The following CASZ1 variants were observed in gnomAD, a reference collection of about 807,000 sequenced individuals.
CASZ1 encodes the protein zinc finger protein castor homolog 1.
A neutral mutation model predicts 135.2 loss-of-function variants in CASZ1; 28 were observed. The observed-to-expected ratio is 0.21, with a 90% CI of 0.15 to 0.28. CASZ1 has a LOEUF of 0.28. Among genes scored for constraint, CASZ1 ranks in the 10% least tolerant of loss-of-function variants. The pLI is 1.00. For synonymous variants in CASZ1, 1,068 were observed against 1,073.4 expected (o/e 0.99, Z 0.10); for missense variants, 2,161 against 2,453.3 (o/e 0.88, Z 2.52).
At chr1:10,684,950 G>A (rs1392525432) in intron 4 of CASZ1, among the ~76,000 whole-genome samples, 1 of 152,248 alleles carries the variant, frequency 6.6e-6, no homozygotes, top group Non-Finnish European at 1.5e-5. Flanking sequence ...GAGCCCAAGA[G>A]GAACCCCCAG....
At chr1:10,731,912 T>C (rs949487420) in intron 2 of CASZ1, among the ~76,000 whole-genome samples, 1 of 152,250 alleles carries the variant, frequency 6.6e-6, no homozygotes, top group African/African-American at 2.4e-5. Flanking sequence ...TTCTCAAAAA[T>C]ATGTTCTTTA....
rs920916038 is a variant in CASZ1 at position 10,639,398 on chromosome 1, G to A, written c.4824C>T (p.Pro1608=). The A allele has an allele frequency of 2.6e-6, 4 of 1,547,760 alleles. No homozygotes were observed. The African/African-American group carries it at 5.5e-5, about 21-fold the overall frequency. The change falls in exon 21 of 21, where the codon CCC becomes CCT. Residue 1608 remains proline (P), a synonymous_variant. Transcript: ENST00000377022. This position sits in a 1 kb window ranked among gnomAD's most constrained non-coding sequence, Gnocchi z 4.0. ...QERGEPAAEG[P]APGPPISLDG... ...CCAGACTGATGGGAGGCCCGGGCGCGGGGCCCTCTGCCGCGGGCTCGCCGC... is the reference window on the plus strand; with the variant it reads ...CCAGACTGATGGGAGGCCCGGGCGCAGGGCCCTCTGCCGCGGGCTCGCCGC...
chr1:10,725,088 C>A lies in CASZ1; in HGVS notation c.-76-19544G>T, dbSNP rs140388766. On this transcript the variant is annotated intron_variant, in intron 2 of 20. Coordinates refer to ENST00000377022, the MANE Select transcript of CASZ1 (RefSeq NM_001079843.3). This position sits in a 1 kb window ranked among gnomAD's most constrained non-coding sequence, Gnocchi z 4.4. Reference sequence around the variant, plus strand: ...CGCAGACGTGCAGGTGGCTGTTCTTCCCTGGAGGGAGGGGGCTTGGGCTCC... The same window carrying A: ...CGCAGACGTGCAGGTGGCTGTTCTTACCTGGAGGGAGGGGGCTTGGGCTCC... Among the ~76,000 whole-genome samples, 537 of 152,334 alleles carry A rather than the reference C, an allele frequency of 3.5e-3. 8 individuals are homozygous for A. In the East Asian group the frequency reaches 0.046, roughly 13 times the overall value.
At chr1:10,648,973 C>T in intron 15 of CASZ1, 97 bp downstream of exon 15, 1 of 1,494,324 alleles carries the variant, frequency 6.7e-7, no homozygotes, top group Non-Finnish European at 9.1e-7. Context: ...TTCTGTGGCC[C>T]AGCGGGAACT....
chr1:10,761,687 C>T (rs1199639583), intron 1 of CASZ1, among the ~76,000 whole-genome samples: 3 of 152,182 alleles, frequency 2.0e-5, no homozygotes, highest in Admixed American at 1.3e-4. Flanking sequence ...TTCCTGTTTG[C>T]GTTTCAACTT....
At position 10,676,688 on chromosome 1, in the gene CASZ1, C is replaced by T. The variant is rs1638235084; in HGVS notation, c.17-11117G>A. Among the ~76,000 whole-genome samples the T allele has an allele frequency of 6.6e-6, 1 of 152,186 alleles. No individual in the cohort carries two copies. Among genetic ancestry groups the T allele is most frequent in the Non-Finnish European group, 1.5e-5 (1 of 68,042 alleles). On this transcript the variant is annotated intron_variant, in intron 4 of 20. Transcript: ENST00000377022. The surrounding 1 kb of genome is among the most constrained non-coding windows in gnomAD (Gnocchi z 4.5). The stretch of plus-strand genomic sequence containing the variant: ...ACCAGCCTACAGCTCAGAAACGAGC[C>T]CCTGGCCCGGGGCGAGCAGCCCCAC...
intron 2 of CASZ1, among the ~76,000 whole-genome samples, chr1:10,729,267 G>T (rs1355693133): frequency 1.3e-5 from 2 of 152,164 alleles, no homozygotes; most frequent in African/African-American, 4.8e-5. Flanking sequence ...AAGCAAGACG[G>T]CTGCAGGGGG....
In CASZ1 at chr1:10,754,720, G is replaced by C. The variant is rs372372151; in HGVS notation, c.-77+5981C>G. Among the ~76,000 whole-genome samples, 9 of 151,698 alleles carry C rather than the reference G, an allele frequency of 5.9e-5. No homozygotes were observed. In the South Asian group the frequency reaches 1.4e-3, roughly 24 times the overall value. ...CCTCTCTCTGCCTGGAGAGCAGCAC[G>C]GCGTGGGACTCACAGCTGCTGCCCG... On this transcript the variant is annotated intron_variant, in intron 2 of 20. Coordinates refer to ENST00000377022, the MANE Select transcript of CASZ1 (RefSeq NM_001079843.3).
intron 1 of CASZ1, among the ~76,000 whole-genome samples, chr1:10,771,037 G>A (rs1640567605): frequency 6.6e-6 from 1 of 152,196 alleles, no homozygotes; most frequent in Admixed American, 6.5e-5. Flanking sequence ...AGAACAAGGG[G>A]GACAAAGACA....
intron 2 of CASZ1, among the ~76,000 whole-genome samples, chr1:10,751,055 C>A (rs1240409929): frequency 6.6e-6 from 1 of 151,468 alleles, no homozygotes. Context: ...ATGCTGGCTG[C>A]GATTGTAACT....
rs182424962 is a variant in CASZ1, at chr1:10,794,057, G to C, written c.-234+2507C>G. On this transcript the variant is annotated intron_variant, in intron 1 of 20. Transcript: ENST00000377022. The surrounding 1 kb of genome is among the most constrained non-coding windows in gnomAD (Gnocchi z 5.6). ...GGAGCGCAGCCCCGGCTCAGCCCCC[G>C]GGGAACAACTACCCCCCTCCCCATG... Among the ~76,000 whole-genome samples the C allele has an allele frequency of 0.014, 2,149 of 152,234 alleles. 59 individuals are homozygous for C. Among genetic ancestry groups the C allele is most frequent in the African/African-American group, 0.048 (1,995 of 41,526 alleles).
intron 4 of CASZ1, among the ~76,000 whole-genome samples, chr1:10,688,697 C>T (rs1334617428): frequency 2.6e-5 from 4 of 152,240 alleles, no homozygotes; most frequent in African/African-American, 7.2e-5. Flanking sequence ...TCGCCTCCCA[C>T]ATGGGTGTCT....
chr1:10,723,658 C>T (rs891846773), intron 2 of CASZ1, among the ~76,000 whole-genome samples: 2 of 152,196 alleles, frequency 1.3e-5, no homozygotes, highest in Admixed American at 6.5e-5. Context: ...AGGAAAGGAC[C>T]CTCCAGGGCA....
In CASZ1 at chr1:10,757,031, T is replaced by G. The variant is rs1402234382; in HGVS notation, c.-77+3670A>C. ...TGCAGAGCCAGGGCTGAAAGGATAG[T>G]GTGTGTCCTGGCCTGCTCCCAGGCT... On this transcript the variant is annotated intron_variant, in intron 2 of 20. Transcript: ENST00000377022. The surrounding 1 kb of genome is among the most constrained non-coding windows in gnomAD (Gnocchi z 4.6). 6.6e-6 allele frequency among the ~76,000 whole-genome samples: 1 copy of G among 152,176 alleles called. No homozygotes were observed. The highest frequency in any genetic ancestry group is 1.5e-5 in the Non-Finnish European group (1 of 68,022).
At chr1:10,790,174 T>C (rs1570596104) in intron 1 of CASZ1, among the ~76,000 whole-genome samples, 1 of 152,322 alleles carries the variant, frequency 6.6e-6, no homozygotes, top group Non-Finnish European at 1.5e-5. Context: ...TCTGGGACTT[T>C]TTAATTTCAA....
intron 2 of CASZ1, among the ~76,000 whole-genome samples, chr1:10,749,881 G>A (rs548959645): frequency 1.1e-4 from 16 of 152,252 alleles, no homozygotes; most frequent in Admixed American, 7.8e-4. Flanking sequence ...GAAGGGCACC[G>A]AGTAGAAGTT....
chr1:10,779,645 C>T (rs551281428), intron 1 of CASZ1, among the ~76,000 whole-genome samples: 54 of 152,360 alleles, frequency 3.5e-4, no homozygotes, highest in African/African-American at 1.3e-3. Context: ...TGGAGGATCA[C>T]CTTTCAAGCG....
At chr1:10,710,024 G>T (rs1377806511) in intron 2 of CASZ1, among the ~76,000 whole-genome samples, 2 of 152,222 alleles carry the variant, frequency 1.3e-5, no homozygotes, top group East Asian at 3.9e-4. Context: ...TTGGAATTGG[G>T]CCAGGAACCT....
Position 10,639,094 on chromosome 1 carries a change from CGTCCTCGTCGTCGTCCTCG to C in CASZ1, c.5109_5127del (p.Asp1703GlufsTer134), listed in dbSNP as rs775044368. On this transcript the variant is annotated frameshift_variant, in exon 21 of 21. Transcript: ENST00000377022. LOFTEE classifies it high-confidence loss of function. This position sits in a 1 kb window ranked among gnomAD's most constrained non-coding sequence, Gnocchi z 4.0. Reference sequence around the variant, plus strand: ...TCGGTGCGCAGGTCCTCGTCGTCGTCGTCCTCGTCGTCGTCCTCGTCGTCGTCGTCCTCGTCGTCGTCCT... The same window carrying C: ...TCGGTGCGCAGGTCCTCGTCGTCGTCTCGTCGTCGTCCTCGTCGTCGTCCT... The C allele has an allele frequency of 1.7e-4, 196 of 1,135,236 alleles. No homozygotes were observed. The highest frequency in any genetic ancestry group is 2.0e-4 in the Non-Finnish European group (179 of 899,408). The allele number at this position is 1,135,236 out of a possible 1,614,324, so 70.3% of individuals were successfully genotyped here.
Sources: allele counts gnomAD v4.1 joint callset (sites outside exome capture counted in the v4.1 genomes callset), GRCh38; gene constraint gnomAD v4.1.1; non-coding constraint Gnocchi (gnomAD v3.1); transcripts MANE v1.5; gene names NCBI Gene and HGNC (gene_info 2026-07-23, HGNC 2026-07-21).